LMBRD1: variants seen among roughly 807,000 people sequenced by gnomAD.
The protein encoded by LMBRD1 is lysosomal cobalamin transport escort protein LMBD1.
In LMBRD1, 64 loss-of-function variants were observed where a neutral mutation model predicts 74.8. That is an observed-to-expected ratio of 0.86 (90% CI 0.70 to 1.05). The LOEUF (loss-of-function observed/expected upper bound fraction) is 1.05, where lower values mean the gene tolerates loss of function less well. LMBRD1 is among the 50% of genes least tolerant of loss of function. LMBRD1 has a pLI of 0.00. For missense variants in LMBRD1, 652 were observed against 645.9 expected, an observed-to-expected ratio of 1.01 and a Z score of -0.10; for synonymous variants, 204 against 216.3, an observed-to-expected ratio of 0.94 and a Z score of 0.50.
At position 69,755,817 on chromosome 6, in the gene LMBRD1, T is replaced by C. The variant is rs150145133; in HGVS notation, c.308-3461A>G. On this transcript the variant is annotated intron_variant, in intron 3 of 15. Coordinates refer to ENST00000649934, the MANE Select transcript of LMBRD1 (RefSeq NM_018368.4). Reference sequence around the variant, plus strand: ...GATAAACTGATAGGTGGAGTAAGATTTAGCTTCAGCCTGAGTATGCCACTG... The same window carrying C: ...GATAAACTGATAGGTGGAGTAAGATCTAGCTTCAGCCTGAGTATGCCACTG... Among the ~76,000 whole-genome samples, 722 of 152,240 alleles carry C rather than the reference T, an allele frequency of 4.7e-3. 7 individuals are homozygous for C. The highest frequency in any genetic ancestry group is 0.017 in the Middle Eastern group (5 of 294).
intron 1 of LMBRD1, among the ~76,000 whole-genome samples, chr6:69,792,070 G>T (rs1368183397): frequency 6.6e-6 from 1 of 152,160 alleles, no homozygotes; most frequent in East Asian, 1.9e-4. Flanking sequence ...ACAATTTCAA[G>T]AAGTCTCTAC....
At chr6:69,774,335 TA>T (rs1327303663) in intron 3 of LMBRD1, among the ~76,000 whole-genome samples, 1 of 152,206 alleles carries the variant, frequency 6.6e-6, no homozygotes, top group African/African-American at 2.4e-5. Context: ...TTTTTCTTTA[TA>T]AATTACCCAG....
In LMBRD1 at chr6:69,683,701, G is replaced by T. The variant is rs183027236; in HGVS notation, c.1418-7160C>A. Among the ~76,000 whole-genome samples the T allele has an allele frequency of 2.4e-4, 36 of 152,146 alleles. 1 individual carries two copies. Among genetic ancestry groups the T allele is most frequent in the Non-Finnish European group, 5.9e-5 (4 of 67,932 alleles). ...CATAGCTTACTGGTTCAAGATAACA[G>T]ACTTAGCACAGTCATTTGTTTCTTA... On this transcript the variant is annotated intron_variant, in intron 14 of 15. Coordinates refer to ENST00000649934, the MANE Select transcript of LMBRD1 (RefSeq NM_018368.4).
intron 14 of LMBRD1, among the ~76,000 whole-genome samples, chr6:69,690,859 T>C (rs1261780776): frequency 6.6e-6 from 1 of 152,128 alleles, no homozygotes; most frequent in African/African-American, 2.4e-5. Context: ...CTTCAGTCCA[T>C]ACAATCCTAC....
chr6:69,709,230 A>G (rs1766329863), intron 9 of LMBRD1, among the ~76,000 whole-genome samples: 1 of 151,616 alleles, frequency 6.6e-6, no homozygotes, highest in Non-Finnish European at 1.5e-5. Context: ...GCAAAACTCC[A>G]TCTCAAAAAA....
intron 3 of LMBRD1, among the ~76,000 whole-genome samples, chr6:69,774,948 TGGAA>T (rs1157907347): frequency 0.019 from 748 of 38,790 alleles, 16 homozygotes; most frequent in East Asian, 0.037. Flanking sequence ...TACAGTGAGA[TGGAA>T]GGAAGGAAGG....
intron 7 of LMBRD1, among the ~76,000 whole-genome samples, chr6:69,731,741 T>C (rs1766862749): frequency 6.6e-6 from 1 of 152,116 alleles, no homozygotes; most frequent in African/African-American, 2.4e-5. Flanking sequence ...GTGTATTAAA[T>C]GCATTTTCAA....
chr6:69,758,904 TCTC>T (rs1765319570), intron 3 of LMBRD1, among the ~76,000 whole-genome samples: 3 of 152,142 alleles, frequency 2.0e-5, no homozygotes, highest in African/African-American at 7.2e-5. Context: ...AAGATATACT[TCTC>T]CTTGCATTAA....
At position 69,790,449 on chromosome 6, in the gene LMBRD1, T is replaced by C. The variant is rs1388273667; in HGVS notation, c.93A>G (p.Ile31Met). The C allele has an allele frequency of 6.2e-7, 1 of 1,614,032 alleles. No homozygotes were observed. The highest frequency in any genetic ancestry group is 1.3e-5 in the African/African-American group (1 of 75,050). Residue 31 changes from isoleucine to methionine, a missense_variant, in exon 2 of 16, where the codon ATA becomes ATG. Around this residue, in one of 3 missense-constraint regions of LMBRD1, gnomAD observed 598 missense variants for 581.8 expected, o/e 1.03. Transcript: ENST00000649934. The stretch of plus-strand genomic sequence containing the variant: ...GCCGACTTTGGTATTTACGAACATA[T>C]ATCCAGCAGAATGCCAAAATAGCCT... ...LLLAILAFCW[I>M]YVRKYQSRRE...
intron 14 of LMBRD1, among the ~76,000 whole-genome samples, chr6:69,681,972 G>C (rs1301766806): frequency 6.6e-6 from 1 of 151,836 alleles, no homozygotes; most frequent in Non-Finnish European, 1.5e-5. Context: ...TACCAAGTTA[G>C]AAGACTATAC....
At chr6:69,691,146 TC>T (rs772383991) in intron 14 of LMBRD1, among the ~76,000 whole-genome samples, 14,830 of 80,426 alleles carry the variant, frequency 0.18, 908 homozygotes, top group Admixed American at 0.3. Flanking sequence ...GGCCTCTCTC[TC>T]TCTTTTTTTT....
intron 3 of LMBRD1, among the ~76,000 whole-genome samples, chr6:69,754,856 A>T (rs568563918): frequency 1.1e-3 from 174 of 152,226 alleles, no homozygotes; most frequent in Non-Finnish European, 2.1e-3. Flanking sequence ...TCACTGGTCA[A>T]TAAGAAATGC....
chr6:69,752,114 T>C (rs745573585), intron 4 of LMBRD1, 145 bp downstream of exon 4: 13 of 707,488 alleles, frequency 1.8e-5, no homozygotes, highest in Non-Finnish European at 2.8e-5. Context: ...TAATTTCAAC[T>C]GTTTCTTTTT....
chr6:69,691,896 A>G (rs917694858), intron 14 of LMBRD1, among the ~76,000 whole-genome samples: 6 of 150,738 alleles, frequency 4.0e-5, no homozygotes, highest in African/African-American at 1.2e-4. Flanking sequence ...AAAAAAAAAA[A>G]GAAAGAAAGC....
At chr6:69,708,507 T>A (rs1185124096) in intron 9 of LMBRD1, among the ~76,000 whole-genome samples, 2 of 152,096 alleles carry the variant, frequency 1.3e-5, no homozygotes. Context: ...AAAGCTTAAG[T>A]AAGAAGTTAC....
chr6:69,751,450 C>A (rs112837437), intron 4 of LMBRD1, among the ~76,000 whole-genome samples: 2 of 152,044 alleles, frequency 1.3e-5, no homozygotes, highest in African/African-American at 4.8e-5. Flanking sequence ...CCTCAGCCTC[C>A]GGAGTAGCTG....
At chr6:69,702,078 AT>A in intron 9 of LMBRD1, 125 bp from the exon 10 acceptor site, 1 of 661,160 alleles carries the variant, frequency 1.5e-6, no homozygotes. Flanking sequence ...TCTAAGATAC[AT>A]TTTAACTTAG....
At chr6:69,765,527 G>C (rs759258299) in intron 3 of LMBRD1, among the ~76,000 whole-genome samples, 3 of 151,986 alleles carry the variant, frequency 2.0e-5, no homozygotes, top group Non-Finnish European at 4.4e-5. Context: ...ATTATGTTTT[G>C]AGATCTGAGG....
In LMBRD1 at chr6:69,745,344, C is replaced by A. The variant is rs963473096; in HGVS notation, c.474-3467G>T. 4.7e-5 allele frequency among the ~76,000 whole-genome samples: 7 copies of A among 149,712 alleles called. No individual in the cohort carries two copies. The East Asian group carries it at 1.4e-3, about 30-fold the overall frequency. On this transcript the variant is annotated intron_variant, in intron 5 of 15. Coordinates refer to ENST00000649934, the MANE Select transcript of LMBRD1 (RefSeq NM_018368.4). ...CGCAATCTCGGCTCACTGCAAGCTC[C>A]GCTTCCCGGGTTCACGCCATTCTCC...
Sources: gnomAD v4.1 joint callset for allele counts (sites outside exome capture counted in the v4.1 genomes callset) on GRCh38, gnomAD v4.1.1 for gene constraint, gnomAD v4.1.1 regional missense constraint, MANE v1.5 for transcripts, NCBI Gene and HGNC (gene_info 2026-07-23, HGNC 2026-07-21) for gene names.